Variants in SLTM observed in about 807,000 individuals in gnomAD.
SLTM encodes the protein SAFB-like transcription modulator.
A neutral mutation model predicts 134.6 loss-of-function variants in SLTM; 43 were observed. That is an observed-to-expected ratio of 0.32 (90% confidence interval 0.25 to 0.41). SLTM has a LOEUF of 0.41. Among genes scored for constraint, SLTM ranks in the 10% least tolerant of loss-of-function variants. The pLI, the probability that SLTM is intolerant of heterozygous loss-of-function variation, is 1.00. For missense variants in SLTM, 1,055 were observed against 1,288.8 expected, an observed-to-expected ratio of 0.82 and a Z score of 2.78; for synonymous variants, 424 against 432.3, an observed-to-expected ratio of 0.98 and a Z score of 0.24.
intron 9 of SLTM, among the ~76,000 whole-genome samples, chr15:58,895,555 G>C (rs1213938138): frequency 6.6e-6 from 1 of 152,150 alleles, no homozygotes; most frequent in East Asian, 1.9e-4. Flanking sequence ...GGAGTTTTAT[G>C]GTATGGGTGG....
At chr15:58,887,162 T>G in intron 18 of SLTM, 43 bp from the exon 19 acceptor site, 1 of 1,612,586 alleles carries the variant, frequency 6.2e-7, no homozygotes, top group Non-Finnish European at 8.5e-7. Context: ...AAAACTGTAA[T>G]CTTAACTTTT....
At chr15:58,917,021 C>A in intron 2 of SLTM, 22 bp from the exon 3 acceptor site, 1 of 1,609,930 alleles carries the variant, frequency 6.2e-7, no homozygotes, top group Non-Finnish European at 8.5e-7. Context: ...GGAAAATGGG[C>A]TAACAACCAA....
chr15:58,886,356 T>C (rs2034209324), intron 19 of SLTM, among the ~76,000 whole-genome samples: 1 of 151,126 alleles, frequency 6.6e-6, no homozygotes, highest in African/African-American at 2.4e-5. Flanking sequence ...AACCTCCAAC[T>C]CTTGGGCTCA....
intron 1 of SLTM, among the ~76,000 whole-genome samples, chr15:58,932,779 A>G (rs192113954): frequency 2.0e-5 from 3 of 152,244 alleles, no homozygotes; most frequent in Admixed American, 6.5e-5. Flanking sequence ...GAGTTTTCCT[A>G]GTTTCTGTAA....
At position 58,899,686 on chromosome 15, in the gene SLTM, C is replaced by A; in HGVS notation, c.841G>T (p.Asp281Tyr). Residue 281 changes from aspartate to tyrosine, a missense_variant, in exon 7 of 21, where the codon GAT becomes TAT. Transcript: ENST00000380516. The surrounding 1 kb of genome is among the most constrained non-coding windows in gnomAD (Gnocchi z 5.0). ...CTCTGTGCAATGGCGTCCTGCCCAT[C>A]TTTTGGCTTACTTGCTTCAGAATCT... ...ITDSEASKPK[D>Y]GQDAIAQSPE... The A allele has an allele frequency of 6.2e-7, 1 of 1,614,150 alleles. No individual in the cohort carries two copies. Among genetic ancestry groups the A allele is most frequent in the Non-Finnish European group, 8.5e-7 (1 of 1,180,008 alleles).
rs550167671 is a variant in SLTM, at chr15:58,913,748, A to G, written c.316-52T>C. 5 of 1,448,694 alleles carry G rather than the reference A, an allele frequency of 3.5e-6. No individual in the cohort carries two copies. The East Asian group carries it at 6.8e-5, about 20-fold the overall frequency. The allele number at this position is 1,448,694 out of a possible 1,614,324, so 89.7% of individuals were successfully genotyped here. Reference sequence around the variant, plus strand: ...AACTAGAGGCAAAGTAGTGTGGGCTATCCACCAAACGTTTTTGGTAATTTA... The same window carrying G: ...AACTAGAGGCAAAGTAGTGTGGGCTGTCCACCAAACGTTTTTGGTAATTTA... On this transcript the variant is annotated intron_variant, in intron 3 of 20. Transcript: ENST00000380516.
chr15:58,912,963 T>G (rs1230882536), intron 4 of SLTM, among the ~76,000 whole-genome samples: 3 of 152,206 alleles, frequency 2.0e-5, no homozygotes, highest in Non-Finnish European at 4.4e-5. Context: ...AAAGAAAATA[T>G]TTGAAATATT....
intron 5 of SLTM, among the ~76,000 whole-genome samples, chr15:58,909,072 A>T (rs1208454605): frequency 6.6e-6 from 1 of 152,234 alleles, no homozygotes; most frequent in Non-Finnish European, 1.5e-5. Context: ...GAACACCTCC[A>T]CCACCTAGAT....
At chr15:58,896,654 T>C (rs906419102) in intron 9 of SLTM, among the ~76,000 whole-genome samples, 6 of 152,194 alleles carry the variant, frequency 3.9e-5, no homozygotes, top group African/African-American at 1.4e-4. Context: ...TGCCTATATA[T>C]ATAGCCAGTT....
Position 58,894,414 on chromosome 15 carries a change from A to C in SLTM, c.1377+19T>G. 2 of 1,613,712 alleles carry C rather than the reference A, an allele frequency of 1.2e-6. No homozygotes were observed. Among genetic ancestry groups the C allele is most frequent in the Non-Finnish European group, 1.7e-6 (2 of 1,179,686 alleles). ...CCATCAAATTAGACTTGCTTTGATA[A>C]ACAGTTAGGGAAGCTTACTTTTTCA... On this transcript the variant is annotated intron_variant, in intron 10 of 20. Transcript: ENST00000380516.
chr15:58,927,878 T>C (rs1178867744), intron 2 of SLTM, among the ~76,000 whole-genome samples: 1 of 152,276 alleles, frequency 6.6e-6, no homozygotes. Context: ...GATACTGTGT[T>C]ATATGAAATG....
chr15:58,905,859 A>C (rs1188741450), intron 5 of SLTM, among the ~76,000 whole-genome samples: 1 of 152,222 alleles, frequency 6.6e-6, no homozygotes, highest in East Asian at 1.9e-4. Flanking sequence ...TATTTATCTT[A>C]ATAATTCAGC....
intron 3 of SLTM, among the ~76,000 whole-genome samples, chr15:58,915,802 C>T (rs1267915037): frequency 6.6e-6 from 1 of 151,884 alleles, no homozygotes; most frequent in African/African-American, 2.4e-5. Context: ...ATGGAAAACA[C>T]AAACATCGAG....
intron 13 of SLTM, 99 bp downstream of exon 13, chr15:58,893,180 G>T: frequency 1.4e-6 from 2 of 1,404,892 alleles, no homozygotes; most frequent in African/African-American, 1.4e-5. Context: ...TCTTGGGTTT[G>T]CTAGCATGCA....
intron 2 of SLTM, among the ~76,000 whole-genome samples, chr15:58,925,803 A>C (rs2037413144): frequency 6.6e-6 from 1 of 152,230 alleles, no homozygotes; most frequent in Non-Finnish European, 1.5e-5. Flanking sequence ...CTACAAACAC[A>C]AGACTGTCAA....
intron 5 of SLTM, 86 bp from the exon 6 acceptor site, chr15:58,901,373 T>C: frequency 9.1e-7 from 1 of 1,094,186 alleles, no homozygotes; most frequent in South Asian, 1.4e-5. Flanking sequence ...AAGTTAAAAT[T>C]GGTGGATAAT....
In SLTM at chr15:58,879,305, T is replaced by C. The variant is rs2033511494; in HGVS notation, c.*694A>G. On this transcript the variant is annotated 3_prime_UTR_variant, in exon 21 of 21. Coordinates refer to ENST00000380516, the MANE Select transcript of SLTM (RefSeq NM_024755.4). ...TAAGAACCTTGTGAAACAAACCTCATGGCCAAGGTTTCATGAATCTATTTG... is the reference window on the plus strand; with the variant it reads ...TAAGAACCTTGTGAAACAAACCTCACGGCCAAGGTTTCATGAATCTATTTG... The C allele has an allele frequency of 6.6e-6, 1 of 152,298 alleles. No individual in the cohort carries two copies. Among genetic ancestry groups the C allele is most frequent in the Non-Finnish European group, 1.5e-5 (1 of 68,038 alleles). The allele number at this position is 152,298 out of a possible 1,614,324, so 9.4% of individuals were successfully genotyped here.
Position 58,894,092 on chromosome 15 carries a change from G to C in SLTM, c.1479C>G (p.Ser493Arg), listed in dbSNP as rs1316956683. ...AATAAATAAAAATAAATCCTTACTTGCTACTTCTATCACTCGTATTTTTTT... is the reference window on the plus strand; with the variant it reads ...AATAAATAAAAATAAATCCTTACTTCCTACTTCTATCACTCGTATTTTTTT... ...GDKKNTSDRS[S>R]KTQASVKKEE... Residue 493 changes from serine (S) to arginine (R), a missense_variant and splice_region_variant, in exon 11 of 21, where the codon AGC becomes AGG. Around this residue, in one of 3 missense-constraint regions of SLTM, gnomAD observed 776 missense variants for 962.2 expected, o/e 0.81. Transcript: ENST00000380516. 8 of 1,597,754 alleles carry C rather than the reference G, an allele frequency of 5.0e-6. No homozygotes were observed. Among genetic ancestry groups the C allele is most frequent in the Non-Finnish European group, 6.0e-6 (7 of 1,173,138 alleles).
At chr15:58,900,057 G>GAA in intron 6 of SLTM, 120 bp from the exon 7 acceptor site, 2 of 644,496 alleles carry the variant, frequency 3.1e-6, no homozygotes, top group South Asian at 2.6e-5. Flanking sequence ...TGGAAGTTAG[G>GAA]GAAAAAAAAA....
Sources: allele counts gnomAD v4.1 joint callset (sites outside exome capture counted in the v4.1 genomes callset), GRCh38; gene constraint gnomAD v4.1.1; regional missense constraint gnomAD v4.1.1; non-coding constraint Gnocchi (gnomAD v3.1); transcripts MANE v1.5; gene names NCBI Gene and HGNC (gene_info 2026-07-23, HGNC 2026-07-21).